PPFIA2: variants seen among roughly 807,000 people sequenced by gnomAD.
PPFIA2 encodes PPFI scaffold protein A2.
PPFIA2 carries 46 observed loss-of-function variants against 175.5 expected under a neutral mutation model. The ratio of observed to expected loss-of-function variants is 0.26; its 90% CI spans 0.21 to 0.34. PPFIA2 has a LOEUF of 0.34. Among genes scored for constraint, PPFIA2 ranks in the 10% least tolerant of loss-of-function variants. PPFIA2 has a pLI of 1.00. For synonymous variants in PPFIA2, 568 were observed against 511.4 expected (o/e 1.11, Z -1.49); for missense variants, 1,179 against 1,506.1 (o/e 0.78, Z 3.60).
At chr12:81,620,653 T>C (rs1445322889) in intron 4 of PPFIA2, among the ~76,000 whole-genome samples, 18 of 152,192 alleles carry the variant, frequency 1.2e-4, no homozygotes. Context: ...TCTGCCTTAG[T>C]GACACATTGG....
chr12:81,644,182 T>A (rs1008238533), intron 4 of PPFIA2, among the ~76,000 whole-genome samples: 1 of 152,070 alleles, frequency 6.6e-6, no homozygotes, highest in African/African-American at 2.4e-5. Flanking sequence ...TACATTATGA[T>A]AAAATTTACT....
At chr12:81,354,295 T>C (rs1039199471) in intron 16 of PPFIA2, among the ~76,000 whole-genome samples, 2 of 152,186 alleles carry the variant, frequency 1.3e-5, no homozygotes, top group Non-Finnish European at 2.9e-5. Flanking sequence ...TCTTTCAAAA[T>C]CGGAATCAAT....
chr12:81,588,260 C>G (rs1330115705), intron 4 of PPFIA2, among the ~76,000 whole-genome samples: 1 of 151,908 alleles, frequency 6.6e-6, no homozygotes, highest in African/African-American at 2.4e-5. Context: ...GAGTATCTAA[C>G]TTTAAGTAAC....
intron 4 of PPFIA2, among the ~76,000 whole-genome samples, chr12:81,514,851 T>A (rs1287408622): frequency 6.6e-6 from 1 of 151,928 alleles, no homozygotes; most frequent in South Asian, 2.1e-4. Flanking sequence ...AATTAACTCA[T>A]TTATTATTCT....
intron 4 of PPFIA2, among the ~76,000 whole-genome samples, chr12:81,475,500 TCTC>T (rs2057359563): frequency 6.6e-6 from 1 of 152,228 alleles, no homozygotes; most frequent in Non-Finnish European, 1.5e-5. Flanking sequence ...ATTTATTATT[TCTC>T]CTGATTCTAG....
chr12:81,744,249 G>C (rs1023613008), intron 3 of PPFIA2, among the ~76,000 whole-genome samples: 1 of 152,010 alleles, frequency 6.6e-6, no homozygotes. Flanking sequence ...AATATGCTCA[G>C]TGCATAAAAA....
At chr12:81,395,753 A>T (rs572766534) in intron 8 of PPFIA2, among the ~76,000 whole-genome samples, 3 of 152,042 alleles carry the variant, frequency 2.0e-5, no homozygotes, top group Non-Finnish European at 4.4e-5. Context: ...CAGGGGACTT[A>T]ATCTGCAATA....
In PPFIA2 at chr12:81,754,326, T is replaced by G. The variant is rs1278416618; in HGVS notation, c.-2-103A>C. 2.9e-6 allele frequency: 4 copies of G among 1,389,986 alleles called. No individual in the cohort carries two copies. In the East Asian group the frequency reaches 1.0e-4, roughly 35 times the overall value. The allele number at this position is 1,389,986 out of a possible 1,614,324, so 86.1% of individuals were successfully genotyped here. The stretch of plus-strand genomic sequence containing the variant: ...ATATTTTTCAGCTTATTAGCCTATT[T>G]GTCTCTATTTCCCCTACCTGTTGCC... On this transcript the variant is annotated intron_variant, in intron 2 of 32. Transcript: ENST00000549396.
intron 27 of PPFIA2, among the ~76,000 whole-genome samples, chr12:81,279,606 A>G (rs1011425053): frequency 6.6e-6 from 1 of 152,212 alleles, no homozygotes; most frequent in African/African-American, 2.4e-5. Flanking sequence ...TAAGTTGGAG[A>G]TTAGCATAAC....
intron 4 of PPFIA2, among the ~76,000 whole-genome samples, chr12:81,640,448 T>C (rs2064811067): frequency 6.6e-6 from 1 of 152,146 alleles, no homozygotes; most frequent in African/African-American, 2.4e-5. Flanking sequence ...CATAATTTAA[T>C]TTTCAAAATT....
rs138826798 is a variant in PPFIA2, at chr12:81,307,730, C to A, written c.2643-8348G>T. 2.6e-3 allele frequency among the ~76,000 whole-genome samples: 398 copies of A among 152,210 alleles called. 4 individuals are homozygous for A. In the East Asian group the frequency reaches 0.057, roughly 22 times the overall value. ...GTAAGACTCACCTGTTTAAAAGCCT[C>A]CCTGACTGTCCTCAAAATAAAGGCC... is the stretch of plus-strand genomic sequence containing the variant. On this transcript the variant is annotated intron_variant, in intron 22 of 32. Coordinates refer to ENST00000549396, the MANE Select transcript of PPFIA2 (RefSeq NM_003625.5).
chr12:81,310,621 A>G (rs575319159), intron 22 of PPFIA2, among the ~76,000 whole-genome samples: 1 of 152,300 alleles, frequency 6.6e-6, no homozygotes, highest in Admixed American at 6.5e-5. Flanking sequence ...ATATGATGAC[A>G]TGAAAACTGT....
At position 81,268,055 on chromosome 12, in the gene PPFIA2, G is replaced by C. The variant is rs2037843013; in HGVS notation, c.3343C>G (p.Arg1115Gly). The C allele has an allele frequency of 1.3e-6, 2 of 1,596,948 alleles. No individual in the cohort carries two copies. The highest frequency in any genetic ancestry group is 1.3e-5 in the African/African-American group (1 of 74,214). ...VLVWSNDRVIRWIQAIGLREY... is the reference protein window; with the variant it reads ...VLVWSNDRVIGWIQAIGLREY... ...CGAAGTCCAATTGCTTGTATCCAGC[G>C]AATAACTCGGTCATTGCTCCACACC... Residue 1115 changes from arginine (R) to glycine (G), a missense_variant, in exon 29 of 33, where the codon CGC becomes GGC. Arg to Gly is a moderately radical substitution (Grantham distance 125). Transcript: ENST00000549396.
chr12:81,648,496 C>T (rs1367076635), intron 4 of PPFIA2, among the ~76,000 whole-genome samples: 1 of 151,182 alleles, frequency 6.6e-6, no homozygotes, highest in Non-Finnish European at 1.5e-5. Context: ...TTTTAAAAGA[C>T]CTAAATAAAT....
chr12:81,363,712 A>G (rs1252864143), intron 14 of PPFIA2, among the ~76,000 whole-genome samples: 1 of 151,542 alleles, frequency 6.6e-6, no homozygotes, highest in African/African-American at 2.4e-5. Flanking sequence ...CGTCACTACC[A>G]TCCTACTCTA....
chr12:81,701,019 G>A (rs551939289), intron 3 of PPFIA2, among the ~76,000 whole-genome samples: 2 of 152,112 alleles, frequency 1.3e-5, no homozygotes, highest in South Asian at 2.1e-4. Flanking sequence ...GAGTAAATTC[G>A]GTAAGAACTT....
chr12:81,402,021 T>C (rs936514574), intron 8 of PPFIA2, among the ~76,000 whole-genome samples: 6 of 152,176 alleles, frequency 3.9e-5, no homozygotes, highest in East Asian at 3.9e-4. Flanking sequence ...CTATTTCAGA[T>C]TGTGCTTTTG....
At chr12:81,590,183 T>C (rs1203253455) in intron 4 of PPFIA2, among the ~76,000 whole-genome samples, 2 of 152,166 alleles carry the variant, frequency 1.3e-5, no homozygotes, top group African/African-American at 4.8e-5. Context: ...TTTTGTATCA[T>C]CTGTATATTG....
chr12:81,419,993 C>G (rs1042010188), intron 7 of PPFIA2, among the ~76,000 whole-genome samples: 3 of 152,186 alleles, frequency 2.0e-5, no homozygotes, highest in Non-Finnish European at 4.4e-5. Context: ...CAAGTCATTG[C>G]TGCCTTTGCA....
Sources: gnomAD v4.1 joint callset for allele counts (sites outside exome capture counted in the v4.1 genomes callset) on GRCh38, gnomAD v4.1.1 for gene constraint, MANE v1.5 for transcripts, NCBI Gene and HGNC (gene_info 2026-07-23, HGNC 2026-07-21) for gene names.